The following DAB1 variants were observed in gnomAD, a reference collection of about 807,000 sequenced individuals.
DAB1 encodes the protein DAB adaptor protein 1, also known as disabled homolog 1.
Under a neutral mutation model 64.6 loss-of-function variants are expected in DAB1, and 15 were observed. The observed-to-expected ratio is 0.23, with a 90% CI of 0.16 to 0.36. The LOEUF is 0.36. Ranked by LOEUF, DAB1 falls within the 10% of genes least tolerant of loss-of-function variation. The pLI, the probability that DAB1 is intolerant of heterozygous loss-of-function variation, is 1.00. For missense variants in DAB1, 596 were observed against 706.7 expected (o/e 0.84, Z 1.78); for synonymous variants, 235 against 251.9 (o/e 0.93, Z 0.64).
chr1:58,535,271 C>CT (rs1481450190), intron 1 of DAB1, among the ~76,000 whole-genome samples: 2 of 152,114 alleles, frequency 1.3e-5, no homozygotes, highest in African/African-American at 4.8e-5. Flanking sequence ...TGAAATATTA[C>CT]TTTAACTTTC....
intron 4 of DAB1, among the ~76,000 whole-genome samples, chr1:57,112,558 C>A (rs77972224): frequency 9.2e-5 from 14 of 152,036 alleles, no homozygotes; most frequent in Non-Finnish European, 1.8e-4. Context: ...AACTAGGAGG[C>A]CAATGTGTTT....
intron 2 of DAB1, among the ~76,000 whole-genome samples, chr1:57,162,111 G>T (rs189942360): frequency 1.6e-3 from 239 of 152,294 alleles, no homozygotes; most frequent in Non-Finnish European, 2.3e-3. Context: ...CATTTTCCCT[G>T]CGAGAATGCC....
intron 2 of DAB1, among the ~76,000 whole-genome samples, chr1:57,253,151 G>C (rs1570061729): frequency 6.6e-6 from 1 of 152,238 alleles, no homozygotes; most frequent in African/African-American, 2.4e-5. Context: ...TAAGGGCAGG[G>C]GGCACATTCG....
At chr1:57,308,805 T>A (rs965453563) in intron 1 of DAB1, among the ~76,000 whole-genome samples, 1 of 152,148 alleles carries the variant, frequency 6.6e-6, no homozygotes, top group Non-Finnish European at 1.5e-5. Flanking sequence ...CAACTGAGGC[T>A]CTGGGAAGGA....
intron 5 of DAB1, among the ~76,000 whole-genome samples, chr1:58,014,821 G>A (rs1383185151): frequency 6.6e-6 from 1 of 152,176 alleles, no homozygotes; most frequent in Non-Finnish European, 1.5e-5. Context: ...AGGGAGAGAT[G>A]TAACAGAGAG....
intron 4 of DAB1, among the ~76,000 whole-genome samples, chr1:58,187,406 G>A (rs1657138193): frequency 6.6e-6 from 1 of 151,370 alleles, no homozygotes; most frequent in Non-Finnish European, 1.5e-5. Flanking sequence ...GAGCCTCGGA[G>A]TTTAGGTTGT....
At chr1:57,024,721 T>C (rs1646731109) in intron 10 of DAB1, among the ~76,000 whole-genome samples, 1 of 152,186 alleles carries the variant, frequency 6.6e-6, no homozygotes, top group South Asian at 2.1e-4. Flanking sequence ...TGGGACTCAG[T>C]TTGCTCATCT....
chr1:57,459,120 C>T (rs1686697042), intron 7 of DAB1, among the ~76,000 whole-genome samples: 1 of 152,040 alleles, frequency 6.6e-6, no homozygotes, highest in Admixed American at 6.6e-5. Flanking sequence ...AACTATTTTA[C>T]ATTGTGTTCT....
intron 2 of DAB1, among the ~76,000 whole-genome samples, chr1:57,169,415 G>A (rs1169563374): frequency 6.6e-6 from 1 of 152,152 alleles, no homozygotes; most frequent in Non-Finnish European, 1.5e-5. Context: ...TTAAAGATGA[G>A]GAAACCAAGG....
chr1:57,347,072 T>C (rs1000346709), intron 1 of DAB1, among the ~76,000 whole-genome samples: 1 of 152,104 alleles, frequency 6.6e-6, no homozygotes, highest in Admixed American at 6.5e-5. Flanking sequence ...GAAGGAGAGA[T>C]TGTGATTACA....
At chr1:57,973,417 C>G (rs950580688) in intron 5 of DAB1, among the ~76,000 whole-genome samples, 4 of 152,152 alleles carry the variant, frequency 2.6e-5, no homozygotes, top group Non-Finnish European at 5.9e-5. Flanking sequence ...TTTAAACCAC[C>G]AGATTTGTGG....
chr1:58,237,004 C>T (rs1160608668), intron 4 of DAB1, among the ~76,000 whole-genome samples: 1 of 151,770 alleles, frequency 6.6e-6, no homozygotes, highest in Non-Finnish European at 1.5e-5. Flanking sequence ...TCCCACTATA[C>T]TTCAATATAG....
chr1:57,811,841 G>A (rs1332117170), intron 6 of DAB1, among the ~76,000 whole-genome samples: 1 of 152,222 alleles, frequency 6.6e-6, no homozygotes, highest in East Asian at 1.9e-4. Context: ...CCCAAGCCAT[G>A]TGGGTGTGAC....
At chr1:57,470,694 G>A (rs1413014415) in intron 7 of DAB1, among the ~76,000 whole-genome samples, 1 of 152,186 alleles carries the variant, frequency 6.6e-6, no homozygotes, top group Non-Finnish European at 1.5e-5. Context: ...GATTACTCAA[G>A]TGAGGTAAAA....
chr1:57,262,485 G>A (rs1343111430), intron 2 of DAB1, among the ~76,000 whole-genome samples: 1 of 152,158 alleles, frequency 6.6e-6, no homozygotes, highest in Non-Finnish European at 1.5e-5. Context: ...TACAGACAGA[G>A]CACTGAAACC....
At chr1:58,077,982 T>C (rs1327430739) in intron 5 of DAB1, 1 of 152,246 alleles carries the variant, frequency 6.6e-6, no homozygotes, top group African/African-American at 2.4e-5. Context: ...ACTTTGTCTT[T>C]CTGCAGCTGA....
intron 5 of DAB1, among the ~76,000 whole-genome samples, chr1:58,146,185 C>T (rs996976576): frequency 2.6e-5 from 4 of 152,026 alleles, no homozygotes; most frequent in Non-Finnish European, 4.4e-5. Context: ...TATTAGTAAT[C>T]GTGTTTTTGG....
chr1:57,381,005 C>T (rs1293123106), intron 1 of DAB1, among the ~76,000 whole-genome samples: 4 of 152,080 alleles, frequency 2.6e-5, no homozygotes, highest in African/African-American at 9.7e-5. Context: ...GTAAGACTTC[C>T]AGAGAGAAGG....
intron 5 of DAB1, among the ~76,000 whole-genome samples, chr1:57,938,455 C>T (rs1645058455): frequency 6.6e-6 from 1 of 152,088 alleles, no homozygotes; most frequent in African/African-American, 2.4e-5. Context: ...TCCCCCCATG[C>T]TGTTCTCGTG....
Sources: allele counts gnomAD v4.1 joint callset (sites outside exome capture counted in the v4.1 genomes callset), GRCh38; gene constraint gnomAD v4.1.1; transcripts MANE v1.5; gene names NCBI Gene and HGNC (gene_info 2026-07-23, HGNC 2026-07-21).